Variants in NBR1 observed in about 807,000 individuals in gnomAD.
The protein encoded by NBR1 is NBR1 autophagy cargo receptor.
In NBR1, 59 loss-of-function variants were observed where a neutral mutation model predicts 115.5. The ratio of observed to expected loss-of-function variants is 0.51; its 90% confidence interval spans 0.41 to 0.63. The LOEUF (loss-of-function observed/expected upper bound fraction) is 0.63, where lower values mean the gene tolerates loss of function less well. NBR1 is among the 30% of genes least tolerant of loss of function. NBR1 has a pLI of 0.00. For synonymous variants in NBR1, 373 were observed against 414.7 expected (o/e 0.90, Z 1.22); for missense variants, 1,043 against 1,150.5 (o/e 0.91, Z 1.35).
intron 1 of NBR1, among the ~76,000 whole-genome samples, chr17:43,171,613 T>TG (rs1410191976): frequency 6.6e-6 from 1 of 152,132 alleles, no homozygotes; most frequent in Non-Finnish European, 1.5e-5. Flanking sequence ...GACACTGTCT[T>TG]GGGAACATGG....
intron 5 of NBR1, 108 bp downstream of exon 5, chr17:43,180,925 G>A (rs1245158659): frequency 1.8e-6 from 2 of 1,095,608 alleles, no homozygotes; most frequent in Non-Finnish European, 2.3e-6. Flanking sequence ...AGGCTGGTGT[G>A]CAGTGGCACA....
intron 19 of NBR1, 128 bp from the exon 20 acceptor site, chr17:43,203,552 TG>T: frequency 1.7e-6 from 1 of 589,340 alleles, no homozygotes; most frequent in Non-Finnish European, 3.1e-6. Context: ...TGAAAGCAAT[TG>T]TGTTCTCTTT....
At chr17:43,176,875 C>T (rs563347099) in intron 2 of NBR1, among the ~76,000 whole-genome samples, 4 of 152,296 alleles carry the variant, frequency 2.6e-5, no homozygotes, top group East Asian at 1.9e-4. Flanking sequence ...TCTCCCCCCC[C>T]TCATCTGTTA....
At chr17:43,196,171 A>G (rs1310098257) in intron 14 of NBR1, 3 of 211,350 alleles carry the variant, frequency 1.4e-5, no homozygotes, top group South Asian at 1.2e-4. Flanking sequence ...CTTTTCCACT[A>G]TAAAGGAATC....
chr17:43,197,868 T>C (rs1266539613), intron 16 of NBR1, among the ~76,000 whole-genome samples: 1 of 152,178 alleles, frequency 6.6e-6, no homozygotes, highest in Non-Finnish European at 1.5e-5. Context: ...AATACCTTTA[T>C]AGGCCGGGCA....
Position 43,194,445 on chromosome 17 carries a change from T to C in NBR1, c.1620T>C (p.Asn540=). 3 of 1,613,798 alleles carry C rather than the reference T, an allele frequency of 1.9e-6. No individual in the cohort carries two copies. Among genetic ancestry groups the C allele is most frequent in the Non-Finnish European group, 2.5e-6 (3 of 1,179,800 alleles). The change falls in exon 13 of 21, where the codon AAT becomes AAC. Residue 540 remains asparagine, a synonymous_variant. Coordinates refer to ENST00000590996, the MANE Select transcript of NBR1 (RefSeq NM_005899.5). The stretch of plus-strand genomic sequence containing the variant: ...CCTGCATCCCACAGAAGGCAAAAAA[T>C]GTTGCCAGTGAGAGGGAGCTCTACA... ...TAACIPQKAK[N]VASERELYIP...
intron 6 of NBR1, among the ~76,000 whole-genome samples, chr17:43,187,207 C>G (rs2056825871): frequency 6.6e-6 from 1 of 152,074 alleles, no homozygotes; most frequent in Non-Finnish European, 1.5e-5. Flanking sequence ...GAAACGGAGT[C>G]TCACTCTGTT....
chr17:43,177,831 G>A (rs2056559281), intron 2 of NBR1, 105 bp from the exon 3 acceptor site: 4 of 1,022,634 alleles, frequency 3.9e-6, no homozygotes. Context: ...CTTTGTTATG[G>A]GTTATTAAGG....
chr17:43,171,404 T>G (rs558458344), intron 1 of NBR1, 102 bp downstream of exon 1: 1 of 152,526 alleles, frequency 6.6e-6, no homozygotes, highest in African/African-American at 2.4e-5. Flanking sequence ...GGGCGACTTT[T>G]TCCGTGTTTC....
intron 3 of NBR1, 110 bp from the exon 4 acceptor site, chr17:43,179,284 C>T: frequency 1.1e-6 from 1 of 917,950 alleles, no homozygotes. Flanking sequence ...TATGGAAAAG[C>T]TGAACGCTTG....
chr17:43,179,771 A>G (rs1221182132), intron 4 of NBR1, among the ~76,000 whole-genome samples: 1 of 150,254 alleles, frequency 6.7e-6, no homozygotes, highest in Non-Finnish European at 1.5e-5. Flanking sequence ...CCAAAAGTTT[A>G]TTTATCAGAT....
At chr17:43,194,256 G>T in intron 12 of NBR1, 94 bp from the exon 13 acceptor site, 1 of 1,108,690 alleles carries the variant, frequency 9.0e-7, no homozygotes. Context: ...AAATATGGAG[G>T]TACAGCAGCG....
chr17:43,204,237 C>CCCTCTTACCTATTCTTTTGGAGGAGA (rs2057267703), intron 20 of NBR1, among the ~76,000 whole-genome samples: 1 of 152,046 alleles, frequency 6.6e-6, no homozygotes, highest in East Asian at 1.9e-4. Flanking sequence ...CGCACCTGGC[C>CCCTCTTACCTATTCTTTTGGAGGAGA]AACTCTGCCA....
chr17:43,202,007 G>T (rs1467552123), intron 18 of NBR1, among the ~76,000 whole-genome samples: 1 of 151,752 alleles, frequency 6.6e-6, no homozygotes, highest in Non-Finnish European at 1.5e-5. Context: ...GTGAAACCCT[G>T]TCTCTACTAA....
chr17:43,175,977 G>A, intron 2 of NBR1, 76 bp downstream of exon 2: 1 of 850,746 alleles, frequency 1.2e-6, no homozygotes, highest in African/African-American at 1.7e-5. Context: ...TTTTAGCAGT[G>A]TTGTTTCATA....
chr17:43,172,039 AG>A (rs1209712060), intron 1 of NBR1, among the ~76,000 whole-genome samples: 2 of 152,004 alleles, frequency 1.3e-5, no homozygotes, highest in African/African-American at 4.8e-5. Context: ...GTTTCATTAA[AG>A]GGATTTTGTT....
intron 12 of NBR1, 98 bp downstream of exon 12, chr17:43,193,736 C>T (rs2057005281): frequency 1.5e-6 from 2 of 1,347,682 alleles, no homozygotes; most frequent in Non-Finnish European, 2.0e-6. Context: ...GGTTGTTTTC[C>T]AGAAACCTTG....
chr17:43,203,998 C>T lies in NBR1; in HGVS notation c.2727+212C>T, dbSNP rs941238049. ...TGTTGCCCAGGCTGGGGTGCAGTGG[C>T]GCGATCTCGGCTCACTGCAAGCTCC... On this transcript the variant is annotated intron_variant, in intron 20 of 20. Transcript: ENST00000590996. Among the ~76,000 whole-genome samples the T allele has an allele frequency of 1.9e-4, 29 of 148,754 alleles. 1 individual carries two copies. The highest frequency in any genetic ancestry group is 9.4e-4 in the Admixed American group (14 of 14,836).
chr17:43,209,346 G>T (rs1387785052), intron 20 of NBR1, among the ~76,000 whole-genome samples: 1 of 152,064 alleles, frequency 6.6e-6, no homozygotes, highest in African/African-American at 2.4e-5. Flanking sequence ...AAAGTGCTGG[G>T]ATTACAGGTG....
Sources: allele counts gnomAD v4.1 joint callset (sites outside exome capture counted in the v4.1 genomes callset), GRCh38; gene constraint gnomAD v4.1.1; transcripts MANE v1.5; gene names NCBI Gene and HGNC (gene_info 2026-07-23, HGNC 2026-07-21).